The following ALKBH8 variants were observed in gnomAD, a reference collection of about 807,000 sequenced individuals.
ALKBH8 encodes the protein alkB homolog 8, tRNA methyltransferase, also known as tRNA (carboxymethyluridine(34)-5-O)-methyltransferase ALKBH8.
A neutral mutation model predicts 59.8 loss-of-function variants in ALKBH8; 36 were observed. The observed-to-expected ratio is 0.60, with a 90% CI of 0.46 to 0.79. ALKBH8 has a LOEUF of 0.79. Ranked by LOEUF, ALKBH8 falls within the 30% of genes least tolerant of loss-of-function variation. The pLI is 0.00. For missense variants in ALKBH8, 768 were observed against 801.0 expected, an observed-to-expected ratio of 0.96 and a Z score of 0.50; for synonymous variants, 276 against 273.6, an observed-to-expected ratio of 1.01 and a Z score of -0.09.
At chr11:107,505,351 G>GA (rs1277504621) in intron 11 of ALKBH8, 136 bp from the exon 12 acceptor site, 2 of 766,336 alleles carry the variant, frequency 2.6e-6, no homozygotes, top group Non-Finnish European at 3.8e-6. Context: ...AAACAAAAAG[G>GA]AAAAAAAGAA....
At chr11:107,554,008 T>C (rs1238579769) in intron 3 of ALKBH8, 30 bp from the exon 4 acceptor site, 2 of 1,611,336 alleles carry the variant, frequency 1.2e-6, no homozygotes, top group Non-Finnish European at 1.7e-6. Context: ...AATAGTCACA[T>C]GCAAAACTTA....
chr11:107,548,554 A>T (rs1864360560), intron 7 of ALKBH8, among the ~76,000 whole-genome samples: 1 of 152,046 alleles, frequency 6.6e-6, no homozygotes, highest in South Asian at 2.1e-4. Flanking sequence ...TTCCTCCCCG[A>T]TCTCATTATT....
chr11:107,525,358 T>C (rs912744845), intron 9 of ALKBH8, 83 bp downstream of exon 9: 20 of 1,265,052 alleles, frequency 1.6e-5, no homozygotes, highest in Admixed American at 6.8e-5. Context: ...CAGAAAAAGC[T>C]CTCCTAGGTG....
At chr11:107,511,229 T>A (rs1199659004) in intron 10 of ALKBH8, among the ~76,000 whole-genome samples, 193 bp from the exon 11 acceptor site, 1 of 152,218 alleles carries the variant, frequency 6.6e-6, no homozygotes, top group Non-Finnish European at 1.5e-5. Context: ...CAGCATTTAT[T>A]ACCTTAACAG....
intron 1 of ALKBH8, among the ~76,000 whole-genome samples, chr11:107,563,966 T>C (rs1865035698): frequency 6.6e-6 from 1 of 152,114 alleles, no homozygotes; most frequent in Admixed American, 6.5e-5. Context: ...TGGCCCAACA[T>C]ATCTGAGTCA....
chr11:107,548,052 C>G (rs1864340734), intron 7 of ALKBH8, among the ~76,000 whole-genome samples: 3 of 152,190 alleles, frequency 2.0e-5, no homozygotes. Flanking sequence ...AGAAAGCACA[C>G]TCCTAGTTTT....
At chr11:107,514,021 C>T (rs986334727) in intron 10 of ALKBH8, among the ~76,000 whole-genome samples, 1 of 151,930 alleles carries the variant, frequency 6.6e-6, no homozygotes. Flanking sequence ...AACAAACCTG[C>T]ACATGTACGC....
chr11:107,530,642 C>G (rs1424369323), intron 8 of ALKBH8, among the ~76,000 whole-genome samples: 1 of 107,178 alleles, frequency 9.3e-6, no homozygotes, highest in African/African-American at 3.1e-5. Flanking sequence ...CACACACACA[C>G]ACACACAGAG....
intron 10 of ALKBH8, among the ~76,000 whole-genome samples, chr11:107,512,713 G>A (rs1337502343): frequency 6.6e-6 from 1 of 152,150 alleles, no homozygotes; most frequent in African/African-American, 2.4e-5. Context: ...TAGTCAAACA[G>A]AAGTGGCCAC....
At chr11:107,511,124 TAGAC>T in intron 10 of ALKBH8, 88 bp from the exon 11 acceptor site, 1 of 1,317,912 alleles carries the variant, frequency 7.6e-7, no homozygotes, top group Non-Finnish European at 1.1e-6. Flanking sequence ...TTAAAGTCAT[TAGAC>T]AGATACCATA....
intron 7 of ALKBH8, among the ~76,000 whole-genome samples, chr11:107,534,904 C>G (rs1591290656): frequency 6.6e-6 from 1 of 152,102 alleles, no homozygotes; most frequent in Non-Finnish European, 1.5e-5. Context: ...TTACCCCTCA[C>G]CCCCGCAACT....
chr11:107,535,840 G>A (rs558508458), intron 7 of ALKBH8, among the ~76,000 whole-genome samples: 1 of 152,138 alleles, frequency 6.6e-6, no homozygotes, highest in South Asian at 2.1e-4. Flanking sequence ...ACCACTGAGT[G>A]AGTGAGGGTA....
intron 2 of ALKBH8, among the ~76,000 whole-genome samples, chr11:107,557,492 G>A (rs1864765582): frequency 6.6e-6 from 1 of 152,124 alleles, no homozygotes. Flanking sequence ...AGGTTAAGGT[G>A]GTGATTAGGG....
At chr11:107,532,030 TAAA>T (rs918633708) in intron 8 of ALKBH8, among the ~76,000 whole-genome samples, 14 of 152,084 alleles carry the variant, frequency 9.2e-5, no homozygotes, top group African/African-American at 3.1e-4. Flanking sequence ...GAGAGAGAAA[TAAA>T]AAATGTCCCA....
intron 7 of ALKBH8, among the ~76,000 whole-genome samples, chr11:107,546,813 A>G (rs1864277700): frequency 6.6e-6 from 1 of 152,210 alleles, no homozygotes; most frequent in East Asian, 1.9e-4. Flanking sequence ...AAACAAGACT[A>G]TTTTTGCTTA....
At chr11:107,522,895 T>A (rs573508877) in intron 9 of ALKBH8, among the ~76,000 whole-genome samples, 6 of 152,042 alleles carry the variant, frequency 3.9e-5, no homozygotes, top group Non-Finnish European at 7.4e-5. Context: ...ATTAGAATGG[T>A]CATTATGAAA....
At chr11:107,537,694 CT>C (rs1415597555) in intron 7 of ALKBH8, among the ~76,000 whole-genome samples, 2 of 145,492 alleles carry the variant, frequency 1.4e-5, no homozygotes, top group Non-Finnish European at 3.0e-5. Context: ...ACATGTACCC[CT>C]GAACTTAAAA....
chr11:107,530,388 T>C (rs1018709537), intron 8 of ALKBH8, among the ~76,000 whole-genome samples: 11 of 152,176 alleles, frequency 7.2e-5, no homozygotes, highest in Admixed American at 5.9e-4. Flanking sequence ...ATCAAAAAGT[T>C]TTATCAAGGC....
In ALKBH8 at chr11:107,565,728, A is replaced by G; in HGVS notation, c.-134T>C. ...TCTCCCCTGGGCGCGGCCATGTTGG[A>G]GAAAACTGCACTACATTTCCCATGA... On this transcript the variant is annotated 5_prime_UTR_variant, in exon 1 of 12. Coordinates refer to ENST00000428149, the MANE Select transcript of ALKBH8 (RefSeq NM_138775.3). The G allele has an allele frequency of 6.7e-7, 1 of 1,482,488 alleles. No individual in the cohort carries two copies. The highest frequency in any genetic ancestry group is 2.0e-5 in the Admixed American group (1 of 50,938). The allele number at this position is 1,482,488 out of a possible 1,614,324, so 91.8% of individuals were successfully genotyped here. A position where few individuals can be genotyped will look rare whatever the true frequency, so the allele number is the denominator to read the frequency against.
Sources: allele counts gnomAD v4.1 joint callset (sites outside exome capture counted in the v4.1 genomes callset), GRCh38; gene constraint gnomAD v4.1.1; transcripts MANE v1.5; gene names NCBI Gene and HGNC (gene_info 2026-07-23, HGNC 2026-07-21).